SUFU: variants seen among roughly 807,000 people sequenced by gnomAD.
The protein encoded by SUFU is SUFU negative regulator of hedgehog signaling, also known as suppressor of fused homolog.
Under a neutral mutation model 58.9 loss-of-function variants are expected in SUFU, and 7 were observed. The ratio of observed to expected loss-of-function variants is 0.12; its 90% confidence interval spans 0.07 to 0.22. SUFU has a LOEUF of 0.22. Ranked by LOEUF, SUFU falls within the 10% of genes least tolerant of loss-of-function variation. SUFU has a pLI of 1.00. For synonymous variants in SUFU, 232 were observed against 254.8 expected (o/e 0.91, Z 0.85); for missense variants, 451 against 641.3 (o/e 0.70, Z 3.20).
Position 102,504,194 on chromosome 10 carries a change from G to GC in SUFU, c.47dup (p.Ala17GlyfsTer31). 8 of 1,343,392 alleles carry GC rather than the reference G, an allele frequency of 6.0e-6. No homozygotes were observed. Among genetic ancestry groups the GC allele is most frequent in the African/African-American group, 3.0e-5 (2 of 66,214 alleles). The allele number at this position is 1,343,392 out of a possible 1,614,324, so 83.2% of individuals were successfully genotyped here. Reference sequence around the variant, plus strand: ...CTAGCGGCGCCCCCGGCCCCACCGCGCCCCCGGCCCCTGGCCCGACTGCCC... The same window carrying GC: ...CTAGCGGCGCCCCCGGCCCCACCGCGCCCCCCGGCCCCTGGCCCGACTGCCC... On this transcript the variant is annotated frameshift_variant, in exon 1 of 12. Coordinates refer to ENST00000369902, the MANE Select transcript of SUFU (RefSeq NM_016169.4). LOFTEE classifies it high-confidence loss of function.
chr10:102,573,677 T>A (rs1219055855), intron 3 of SUFU, among the ~76,000 whole-genome samples: 1 of 152,322 alleles, frequency 6.6e-6, no homozygotes, highest in African/African-American at 2.4e-5. Context: ...TGCTGCAGGC[T>A]ACAACATGGA....
At chr10:102,503,855 T>C, upstream of SUFU, 1 of 384,668 alleles carries the variant, frequency 2.6e-6, no homozygotes. Flanking sequence ...GGGCCTATTG[T>C]CAAGTCACAC....
chr10:102,623,138 C>A (rs2063756213), intron 10 of SUFU, among the ~76,000 whole-genome samples: 1 of 152,172 alleles, frequency 6.6e-6, no homozygotes, highest in African/African-American at 2.4e-5. Flanking sequence ...GAGGGTCTTC[C>A]TCTCTTACTA....
rs755390277 is a variant in SUFU, at chr10:102,615,330, G to A, written c.1085G>A (p.Arg362His). 26 of 1,614,008 alleles carry A rather than the reference G, an allele frequency of 1.6e-5. No individual in the cohort carries two copies. Among genetic ancestry groups the A allele is most frequent in the Admixed American group, 3.3e-5 (2 of 60,008 alleles). The change falls in exon 9 of 12, where the codon CGC becomes CAC. Residue 362 changes from arginine to histidine, a missense_variant. By Grantham distance (29) the Arg-to-His change is conservative (BLOSUM62 0). Transcript: ENST00000369902. The part of the protein sequence containing the change: ...STAIIPHELI[R>H]TRQLESVHLK... ...GCCATCATTCCCCATGAGCTGATTCGCACGCGGCAGCTTGAGAGCGTACAT... is the reference window on the plus strand; with the variant it reads ...GCCATCATTCCCCATGAGCTGATTCACACGCGGCAGCTTGAGAGCGTACAT...
intron 3 of SUFU, among the ~76,000 whole-genome samples, chr10:102,559,203 G>T (rs2063010238): frequency 6.6e-6 from 1 of 152,146 alleles, no homozygotes; most frequent in Non-Finnish European, 1.5e-5. Context: ...CCACAGAACC[G>T]CCCTCATTGG....
chr10:102,513,385 A>T (rs1009053125), intron 2 of SUFU, among the ~76,000 whole-genome samples: 2 of 152,238 alleles, frequency 1.3e-5, no homozygotes, highest in Non-Finnish European at 2.9e-5. Context: ...TCAGCAAAAA[A>T]GGAGCAGAAG....
chr10:102,550,226 A>G, intron 3 of SUFU, 120 bp downstream of exon 3: 2 of 1,465,346 alleles, frequency 1.4e-6, no homozygotes, highest in Non-Finnish European at 9.3e-7. Flanking sequence ...ACTATGCCCC[A>G]ATTCTACCAT....
intron 2 of SUFU, among the ~76,000 whole-genome samples, chr10:102,528,565 G>T (rs1238906440): frequency 6.6e-6 from 1 of 152,104 alleles, no homozygotes; most frequent in Non-Finnish European, 1.5e-5. Context: ...GTGAGACCCT[G>T]TCTCAAAAAA....
At chr10:102,510,013 A>G (rs1293848900) in intron 2 of SUFU, among the ~76,000 whole-genome samples, 3 of 150,384 alleles carry the variant, frequency 2.0e-5, no homozygotes, top group Non-Finnish European at 4.4e-5. Flanking sequence ...TAATTTTTGT[A>G]ATTTTTTTGT....
intron 2 of SUFU, among the ~76,000 whole-genome samples, chr10:102,535,314 G>A (rs960954834): frequency 2.1e-4 from 32 of 152,046 alleles, no homozygotes; most frequent in African/African-American, 4.8e-4. Context: ...GAGAAACCTC[G>A]TCTCTACTAA....
Position 102,618,943 on chromosome 10 carries a change from T to TGTGC in SUFU, c.1296+1518_1296+1519insCGTG, listed in dbSNP as rs1225588014. 5.1e-5 allele frequency: 34 copies of TGTGC among 661,996 alleles called. No individual in the cohort carries two copies. In the South Asian group the frequency reaches 5.6e-4, roughly 11 times the overall value. 41.0% of individuals were successfully genotyped at this position (661,996 alleles called of 1,614,324 possible). On this transcript the variant is annotated intron_variant, in intron 10 of 11. Transcript: ENST00000369902. ...TGTCCTCAGGTAGCGTGTGTGTGTGTGTGTGTGTGTGTGTGTGTGTGTGTG... is the reference window on the plus strand; with the variant it reads ...TGTCCTCAGGTAGCGTGTGTGTGTGTGTGCGTGTGTGTGTGTGTGTGTGTGTGTG...
At chr10:102,541,979 G>T (rs2062807135) in intron 2 of SUFU, among the ~76,000 whole-genome samples, 1 of 149,854 alleles carries the variant, frequency 6.7e-6, no homozygotes, top group Non-Finnish European at 1.5e-5. Context: ...CTGCCTCCTG[G>T]GTTCAAGCAG....
chr10:102,628,329 C>T lies in SUFU; in HGVS notation c.1365+1086C>T, dbSNP rs1043317322. On this transcript the variant is annotated intron_variant, in intron 11 of 11. Coordinates refer to ENST00000369902, the MANE Select transcript of SUFU (RefSeq NM_016169.4). The surrounding 1 kb of genome is among the most constrained non-coding windows in gnomAD (Gnocchi z 4.5). ...AGGAACTCCCCAGAGCCAGGGTCACCTCAATAGAGCAGGGTCTCCTCTGTC... is the reference window on the plus strand; with the variant it reads ...AGGAACTCCCCAGAGCCAGGGTCACTTCAATAGAGCAGGGTCTCCTCTGTC... Among the ~76,000 whole-genome samples the T allele has an allele frequency of 1.3e-5, 2 of 152,202 alleles. No individual in the cohort carries two copies. The highest frequency in any genetic ancestry group is 4.1e-4 in the South Asian group (2 of 4,830).
At chr10:102,554,599 C>G (rs1466427725) in intron 3 of SUFU, among the ~76,000 whole-genome samples, 2 of 152,198 alleles carry the variant, frequency 1.3e-5, no homozygotes, top group African/African-American at 2.4e-5. Context: ...TGTTTGATTT[C>G]ACTGCATAGT....
chr10:102,571,009 G>A (rs553315155), intron 3 of SUFU, among the ~76,000 whole-genome samples: 2 of 151,998 alleles, frequency 1.3e-5, no homozygotes, highest in Admixed American at 6.6e-5. Flanking sequence ...AAACCTTCAA[G>A]GTGTACAGTA....
At chr10:102,548,747 A>C (rs1480103028) in intron 2 of SUFU, among the ~76,000 whole-genome samples, 1 of 152,116 alleles carries the variant, frequency 6.6e-6, no homozygotes, top group African/African-American at 2.4e-5. Context: ...GATCCACATC[A>C]CTGCCCTCTC....
chr10:102,574,267 A>C (rs879299980), intron 3 of SUFU, among the ~76,000 whole-genome samples: 2 of 152,228 alleles, frequency 1.3e-5, no homozygotes, highest in Non-Finnish European at 2.9e-5. Context: ...ATATACAGAG[A>C]TCTTAAACTA....
At chr10:102,573,114 T>C in intron 3 of SUFU, 1 of 778,754 alleles carries the variant, frequency 1.3e-6, no homozygotes. Context: ...CGGATCTTCT[T>C]TTTTTTGTGG....
chr10:102,580,877 C>T (rs2063270048), intron 3 of SUFU, among the ~76,000 whole-genome samples: 2 of 152,074 alleles, frequency 1.3e-5, no homozygotes, highest in Non-Finnish European at 2.9e-5. Flanking sequence ...CTATTCTCCT[C>T]TCTGGTCTAG....
Sources: allele counts gnomAD v4.1 joint callset (sites outside exome capture counted in the v4.1 genomes callset), GRCh38; gene constraint gnomAD v4.1.1; non-coding constraint Gnocchi (gnomAD v3.1); transcripts MANE v1.5; gene names NCBI Gene and HGNC (gene_info 2026-07-23, HGNC 2026-07-21).